Variants in CFAP20DC observed in about 807,000 individuals in gnomAD.
CFAP20DC encodes the protein protein CFAP20DC.
A neutral mutation model predicts 101.7 loss-of-function variants in CFAP20DC; 84 were observed. The observed-to-expected ratio is 0.83, with a 90% CI of 0.69 to 0.99. The LOEUF (loss-of-function observed/expected upper bound fraction) is 0.99, where lower values mean the gene tolerates loss of function less well. Among genes scored for constraint, CFAP20DC ranks in the 50% least tolerant of loss-of-function variants. CFAP20DC has a pLI of 0.00. For synonymous variants in CFAP20DC, 359 were observed against 351.2 expected (o/e 1.02, Z -0.25); for missense variants, 1,007 against 970.3 (o/e 1.04, Z -0.50).
intron 4 of CFAP20DC, among the ~76,000 whole-genome samples, chr3:59,004,684 T>C (rs2093393609): frequency 6.6e-6 from 1 of 152,244 alleles, no homozygotes; most frequent in Non-Finnish European, 1.5e-5. Context: ...AAACATGATC[T>C]GCTTTTCTAC....
chr3:58,881,268 C>T (rs1044524460), intron 7 of CFAP20DC, among the ~76,000 whole-genome samples: 1 of 152,044 alleles, frequency 6.6e-6, no homozygotes, highest in African/African-American at 2.4e-5. Context: ...GGGAAAACTG[C>T]CTTGTAATTT....
intron 3 of CFAP20DC, among the ~76,000 whole-genome samples, chr3:59,042,091 T>C (rs1235441819): frequency 6.6e-6 from 1 of 152,084 alleles, no homozygotes. Context: ...GAAGCTTTTC[T>C]TGAAGGACAA....
chr3:58,914,677 A>T lies in CFAP20DC; in HGVS notation c.394-813T>A, dbSNP rs889231107. 2.0e-5 allele frequency among the ~76,000 whole-genome samples: 3 copies of T among 148,312 alleles called. No homozygotes were observed. The highest frequency in any genetic ancestry group is 3.0e-5 in the Non-Finnish European group (2 of 67,064). Reference sequence around the variant, plus strand: ...GTTTACATAAGGTCCTGTATATATAAATATATATATATATATTTTTTTTCT... The same window carrying T: ...GTTTACATAAGGTCCTGTATATATATATATATATATATATATTTTTTTTCT... On this transcript the variant is annotated intron_variant, in intron 5 of 16. Transcript: ENST00000482387. The surrounding 1 kb of genome is among the most constrained non-coding windows in gnomAD (Gnocchi z 4.9).
chr3:59,029,408 A>C lies in CFAP20DC; in HGVS notation c.278+10149T>G, dbSNP rs142132763. ...TCATTCAGTTGGCGGAAAATCATAAAAGGGCTTTCTGAAGAAGGGACACTT... is the reference window on the plus strand; with the variant it reads ...TCATTCAGTTGGCGGAAAATCATAACAGGGCTTTCTGAAGAAGGGACACTT... On this transcript the variant is annotated intron_variant, in intron 4 of 16. Transcript: ENST00000482387. Among the ~76,000 whole-genome samples the C allele has an allele frequency of 3.3e-3, 499 of 152,270 alleles. 1 individual carries two copies. Among genetic ancestry groups the C allele is most frequent in the African/African-American group, 0.011 (474 of 41,548 alleles).
intron 4 of CFAP20DC, among the ~76,000 whole-genome samples, chr3:58,957,435 C>T (rs968818490): frequency 4.6e-5 from 7 of 152,172 alleles, no homozygotes; most frequent in African/African-American, 1.7e-4. Flanking sequence ...CTATGGAGAA[C>T]AGTTTTGAGG....
chr3:58,849,400 T>A lies in CFAP20DC; in HGVS notation c.1603A>T (p.Ser535Cys), dbSNP rs2078020210. The A allele has an allele frequency of 6.6e-7, 1 of 1,526,076 alleles. No homozygotes were observed. Among genetic ancestry groups the A allele is most frequent in the African/African-American group, 1.4e-5 (1 of 72,292 alleles). The allele number at this position is 1,526,076 out of a possible 1,614,324, so 94.5% of individuals were successfully genotyped here. A position where few individuals can be genotyped will look rare whatever the true frequency, so the allele number is the denominator to read the frequency against. ...GTTGGGCCTCGAGAACCCTGGATAC[T>A]GTGGTTACCCTATGTTGGGGAACAA... is the stretch of plus-strand genomic sequence containing the variant. ...GGDSSEEGNH[S>C]IQGSRGPTTG... The change falls in exon 13 of 17, where the codon AGT (serine) becomes TGT (cysteine). Residue 535 changes from serine (S) to cysteine (C), a missense_variant. Physicochemically the swap from Ser to Cys is moderately radical, Grantham distance 112. Transcript: ENST00000482387.
In CFAP20DC at chr3:58,863,413, T is replaced by C. The variant is rs2079410558; in HGVS notation, c.1593+145A>G. The C allele has an allele frequency of 2.1e-6, 3 of 1,436,184 alleles. No homozygotes were observed. The highest frequency in any genetic ancestry group is 2.5e-5 in the East Asian group (1 of 39,714). 89.0% of individuals were successfully genotyped at this position (1,436,184 alleles called of 1,614,324 possible). A position where few individuals can be genotyped will look rare whatever the true frequency, so the allele number is the denominator to read the frequency against. On this transcript the variant is annotated intron_variant, in intron 12 of 16. Coordinates refer to ENST00000482387, the MANE Select transcript of CFAP20DC (RefSeq NM_001394063.1). The surrounding 1 kb of genome is among the most constrained non-coding windows in gnomAD (Gnocchi z 5.9). The stretch of plus-strand genomic sequence containing the variant: ...GTTTAAAGTTACCATAACAACCTGA[T>C]GCAACTGTGGACTGACATGGCAATC...
chr3:59,008,793 T>C (rs1413422536), intron 4 of CFAP20DC, among the ~76,000 whole-genome samples: 1 of 151,910 alleles, frequency 6.6e-6, no homozygotes, highest in Non-Finnish European at 1.5e-5. Context: ...CACACCAACA[T>C]GGCACATGTA....
At chr3:58,867,683 T>A in intron 10 of CFAP20DC, 134 bp downstream of exon 10, 1 of 1,102,240 alleles carries the variant, frequency 9.1e-7, no homozygotes, top group Non-Finnish European at 1.3e-6. Context: ...TTGATTTCCA[T>A]AATCCTTGTA....
chr3:58,810,094 A>G lies in CFAP20DC; in HGVS notation c.2176-3638T>C, dbSNP rs189633390. On this transcript the variant is annotated intron_variant, in intron 14 of 16. Transcript: ENST00000482387. ...CCAATCAAAAAGAATCCAGGACCAG[A>G]TGGACTCACAGCCGAATTCTATCAG... 4.6e-5 allele frequency among the ~76,000 whole-genome samples: 7 copies of G among 152,324 alleles called. No individual in the cohort carries two copies. The East Asian group carries it at 1.4e-3, about 29-fold the overall frequency.
chr3:58,923,497 T>A (rs1051696110), intron 5 of CFAP20DC, among the ~76,000 whole-genome samples: 2 of 152,208 alleles, frequency 1.3e-5, no homozygotes, highest in African/African-American at 4.8e-5. Context: ...GGCTAAAGAA[T>A]TCTAGATTGA....
intron 4 of CFAP20DC, among the ~76,000 whole-genome samples, chr3:58,973,427 A>C (rs562973856): frequency 6.6e-6 from 1 of 152,322 alleles, no homozygotes; most frequent in East Asian, 1.9e-4. Flanking sequence ...GGCACCACAC[A>C]GTTCCTGGCT....
chr3:58,876,769 A>G (rs2080787200), intron 7 of CFAP20DC, among the ~76,000 whole-genome samples: 1 of 152,194 alleles, frequency 6.6e-6, no homozygotes, highest in Non-Finnish European at 1.5e-5. Context: ...TTGAATTTTC[A>G]TATCTAATCA....
intron 6 of CFAP20DC, among the ~76,000 whole-genome samples, chr3:58,907,746 T>C (rs990081795): frequency 2.0e-5 from 3 of 152,180 alleles, no homozygotes; most frequent in African/African-American, 7.2e-5. Context: ...TAATAGCATT[T>C]TACCTAATCA....
chr3:58,823,611 A>G (rs1207897009), intron 14 of CFAP20DC, among the ~76,000 whole-genome samples: 1 of 152,162 alleles, frequency 6.6e-6, no homozygotes, highest in African/African-American at 2.4e-5. Context: ...GCCTGCCAGG[A>G]AAGAGTGGAG....
In CFAP20DC at chr3:58,992,663, A is replaced by G; in HGVS notation, c.278+46894T>C. 5.5e-6 allele frequency: 3 copies of G among 546,102 alleles called. No homozygotes were observed. The South Asian group carries it at 2.4e-4, about 44-fold the overall frequency. 33.8% of individuals were successfully genotyped at this position (546,102 alleles called of 1,614,324 possible). The stretch of plus-strand genomic sequence containing the variant: ...ACAAAAATAATTTTGAAATTTGTTC[A>G]AATTTACATTTATAAATTTAGTACA... On this transcript the variant is annotated intron_variant, in intron 4 of 16. Transcript: ENST00000482387.
At chr3:58,862,167 G>T in intron 12 of CFAP20DC, 1 of 972,506 alleles carries the variant, frequency 1.0e-6, no homozygotes, top group Non-Finnish European at 1.2e-6. Flanking sequence ...CACCTACCAT[G>T]AAATGCCCAC....
intron 5 of CFAP20DC, among the ~76,000 whole-genome samples, chr3:58,935,377 C>T (rs2087400624): frequency 6.6e-6 from 1 of 151,820 alleles, no homozygotes; most frequent in African/African-American, 2.4e-5. Flanking sequence ...CAATGCCATC[C>T]CCATCAAGCT....
intron 4 of CFAP20DC, among the ~76,000 whole-genome samples, chr3:58,994,815 G>A (rs957713908): frequency 3.3e-5 from 5 of 151,678 alleles, no homozygotes; most frequent in Admixed American, 3.3e-4. Flanking sequence ...GACTTTGCTC[G>A]GGTAAAGAAC....
Sources: allele counts gnomAD v4.1 joint callset (sites outside exome capture counted in the v4.1 genomes callset), GRCh38; gene constraint gnomAD v4.1.1; non-coding constraint Gnocchi (gnomAD v3.1); transcripts MANE v1.5; gene names NCBI Gene and HGNC (gene_info 2026-07-23, HGNC 2026-07-21).